PCLO: variants seen among roughly 807,000 people sequenced by gnomAD.
The protein encoded by PCLO is piccolo presynaptic cytomatrix protein, also known as protein piccolo.
In PCLO, 82 loss-of-function variants were observed where a neutral mutation model predicts 427.5. That is an observed-to-expected ratio of 0.19 (90% confidence interval 0.16 to 0.23). The LOEUF (loss-of-function observed/expected upper bound fraction) is 0.23. Among genes scored for constraint, PCLO ranks in the 10% least tolerant of loss-of-function variants. The pLI is 1.00. For synonymous variants in PCLO, 2,357 were observed against 2,155.4 expected (o/e 1.09, Z -2.59); for missense variants, 6,239 against 6,115.9 (o/e 1.02, Z -0.67).
intron 3 of PCLO, among the ~76,000 whole-genome samples, chr7:83,000,964 T>TAGTG (rs200854695): frequency 0.014 from 2,096 of 152,092 alleles, 58 homozygotes; most frequent in African/African-American, 0.046. Flanking sequence ...AGAAAGAAAT[T>TAGTG]AGTGAGTTTT....
In PCLO at chr7:82,914,579, A is replaced by C; in HGVS notation, c.13300+107T>G. On this transcript the variant is annotated intron_variant, in intron 7 of 24. Transcript: ENST00000333891. ...TAAAATTGAAGTAAACATGCAAAAG[A>C]CACACCAAGAAAAGTAGGATACATC... 5 of 1,077,950 alleles carry C rather than the reference A, an allele frequency of 4.6e-6. No individual in the cohort carries two copies. The African/African-American group carries it at 4.7e-5, about 10-fold the overall frequency. 66.8% of individuals were successfully genotyped at this position (1,077,950 alleles called of 1,614,324 possible). A position where few individuals can be genotyped will look rare whatever the true frequency, so the allele number is the denominator to read the frequency against.
At chr7:82,773,940 G>T (rs916733982) in intron 22 of PCLO, among the ~76,000 whole-genome samples, 1 of 152,118 alleles carries the variant, frequency 6.6e-6, no homozygotes, top group Non-Finnish European at 1.5e-5. Flanking sequence ...TTGTGGCATT[G>T]TTTTGCAGAG....
At chr7:82,974,482 C>A (rs917007798) in intron 3 of PCLO, among the ~76,000 whole-genome samples, 2 of 152,036 alleles carry the variant, frequency 1.3e-5, no homozygotes, top group African/African-American at 2.4e-5. Context: ...ACCAATGATG[C>A]GCTAAACTTA....
intron 24 of PCLO, among the ~76,000 whole-genome samples, chr7:82,760,310 T>C (rs1790403752): frequency 6.6e-6 from 1 of 151,806 alleles, no homozygotes; most frequent in Non-Finnish European, 1.5e-5. Context: ...GGATAAGGCA[T>C]AAATGACAAT....
intron 9 of PCLO, among the ~76,000 whole-genome samples, chr7:82,887,895 C>G (rs1793664713): frequency 6.6e-6 from 1 of 152,060 alleles, no homozygotes; most frequent in Admixed American, 6.6e-5. Context: ...TGGTGAAACC[C>G]TGTCTCTACT....
chr7:83,086,154 G>T lies in PCLO; in HGVS notation c.3300+48096C>A, dbSNP rs1355161636. Among the ~76,000 whole-genome samples, 8 of 127,606 alleles carry T rather than the reference G, an allele frequency of 6.3e-5. No individual in the cohort carries two copies. The Admixed American group carries it at 6.4e-4, about 10-fold the overall frequency. The allele number at this position is 127,606 out of a possible 152,430, so 83.7% of individuals were successfully genotyped here. ...AGACGGAGTCTTGCGCTGTCGCCCAGGCTGGAGTGCAATGGCGCAATGGTT... is the reference window on the plus strand; with the variant it reads ...AGACGGAGTCTTGCGCTGTCGCCCATGCTGGAGTGCAATGGCGCAATGGTT... On this transcript the variant is annotated intron_variant, in intron 3 of 24. Coordinates refer to ENST00000333891, the MANE Select transcript of PCLO (RefSeq NM_033026.6).
At chr7:83,066,301 G>A (rs1789669637) in intron 3 of PCLO, among the ~76,000 whole-genome samples, 1 of 151,980 alleles carries the variant, frequency 6.6e-6, no homozygotes, top group Non-Finnish European at 1.5e-5. Flanking sequence ...TATTGATTAT[G>A]TTAAATTCTC....
intron 4 of PCLO, 81 bp from the exon 5 acceptor site, chr7:82,957,016 A>G: frequency 7.4e-7 from 1 of 1,348,670 alleles, no homozygotes; most frequent in Non-Finnish European, 9.6e-7. Flanking sequence ...CCAAATAACT[A>G]TTAGGAACTG....
chr7:82,930,059 C>T (rs953473648), intron 6 of PCLO, among the ~76,000 whole-genome samples: 1 of 152,172 alleles, frequency 6.6e-6, no homozygotes, highest in Admixed American at 6.6e-5. Flanking sequence ...ATAAAAGCTT[C>T]TGTCTGGATC....
At position 82,955,734 on chromosome 7, in the gene PCLO, T is replaced by G. The variant is rs1337584393; in HGVS notation, c.5219A>C (p.Asp1740Ala). 2 of 1,613,804 alleles carry G rather than the reference T, an allele frequency of 1.2e-6. No homozygotes were observed. The highest frequency in any genetic ancestry group is 1.7e-6 in the Non-Finnish European group (2 of 1,179,830). Residue 1740 changes from aspartate to alanine, a missense_variant, in exon 5 of 25, where the codon GAC becomes GCC. This residue lies in a region of PCLO where 4,677 missense variants were observed against 4,468.4 expected (regional missense o/e 1.05). Transcript: ENST00000333891. ...SPTSVSSLDE[D>A]SDSSPSHKKG... ...TTTGTGACTCGGGCTACTGTCACTG[T>G]CCTCATCAAGTGATGATACTGATGT...
Position 82,847,312 on chromosome 7 carries a change from T to C in PCLO, c.13655-65A>G, listed in dbSNP as rs1271837749. The C allele has an allele frequency of 5.9e-6, 5 of 845,142 alleles. No individual in the cohort carries two copies. The African/African-American group carries it at 6.8e-5, about 11-fold the overall frequency. The allele number at this position is 845,142 out of a possible 1,614,324, so 52.4% of individuals were successfully genotyped here. ...ATCTCTAGTCTGGGTACATATGGCA[T>C]TGAAGACATTTATTTGCATTTAGAA... On this transcript the variant is annotated intron_variant, in intron 10 of 24. Coordinates refer to ENST00000333891, the MANE Select transcript of PCLO (RefSeq NM_033026.6).
chr7:83,102,731 A>G (rs1790765958), intron 3 of PCLO, among the ~76,000 whole-genome samples: 1 of 151,918 alleles, frequency 6.6e-6, no homozygotes, highest in African/African-American at 2.4e-5. Context: ...TTGAAAAAAT[A>G]AAACTCTTGA....
Position 82,835,707 on chromosome 7 carries a change from A to G in PCLO, c.14223-14T>C. On this transcript the variant is annotated splice_polypyrimidine_tract_variant and intron_variant, in intron 15 of 24. Coordinates refer to ENST00000333891, the MANE Select transcript of PCLO (RefSeq NM_033026.6). ...ACCATGACTTGACTGCATTGATTCC[A>G]AGAGCGAGAGTGAAGGGGTAAAACA... is the stretch of plus-strand genomic sequence containing the variant. 1.2e-6 allele frequency: 2 copies of G among 1,606,954 alleles called. No homozygotes were observed. The highest frequency in any genetic ancestry group is 1.1e-5 in the South Asian group (1 of 89,788).
chr7:83,138,841 A>C (rs1791794710), intron 2 of PCLO, among the ~76,000 whole-genome samples: 1 of 151,852 alleles, frequency 6.6e-6, no homozygotes, highest in Admixed American at 6.6e-5. Context: ...GTGGGGAAAT[A>C]GGGGGTGATA....
intron 20 of PCLO, among the ~76,000 whole-genome samples, chr7:82,812,142 T>C (rs1791585816): frequency 6.6e-6 from 1 of 151,496 alleles, no homozygotes; most frequent in Non-Finnish European, 1.5e-5. Flanking sequence ...TTCACAGTTT[T>C]CTCTCTCCAT....
chr7:82,856,087 G>A (rs761357296), intron 10 of PCLO, among the ~76,000 whole-genome samples: 9 of 152,020 alleles, frequency 5.9e-5, no homozygotes, highest in East Asian at 1.9e-4. Context: ...TCTTAGTGGC[G>A]TGGACTGATG....
chr7:82,866,646 G>T (rs563776909), intron 10 of PCLO, among the ~76,000 whole-genome samples: 11 of 127,988 alleles, frequency 8.6e-5, no homozygotes, highest in African/African-American at 1.2e-4. Context: ...TACTCTCAAT[G>T]AAATTTTATA....
At chr7:83,108,682 T>C (rs1174760058) in intron 3 of PCLO, among the ~76,000 whole-genome samples, 1 of 152,076 alleles carries the variant, frequency 6.6e-6, no homozygotes, top group Admixed American at 6.5e-5. Flanking sequence ...TTGATTGTAT[T>C]TCTTTGTAAA....
At chr7:83,159,037 G>C (rs1792370829) in intron 1 of PCLO, among the ~76,000 whole-genome samples, 1 of 152,006 alleles carries the variant, frequency 6.6e-6, no homozygotes. Flanking sequence ...CTCCTAGAGA[G>C]AAAGGATATA....
Sources: gnomAD v4.1 joint callset for allele counts (sites outside exome capture counted in the v4.1 genomes callset) on GRCh38, gnomAD v4.1.1 for gene constraint, gnomAD v4.1.1 regional missense constraint, MANE v1.5 for transcripts, NCBI Gene and HGNC (gene_info 2026-07-23, HGNC 2026-07-21) for gene names.